CPNE4: variants seen among roughly 807,000 people sequenced by gnomAD.
CPNE4 encodes the protein copine 4.
Under a neutral mutation model 67.9 loss-of-function variants are expected in CPNE4, and 25 were observed. The observed-to-expected ratio is 0.37, with a 90% CI of 0.27 to 0.51. The LOEUF (loss-of-function observed/expected upper bound fraction) is 0.51, where lower values mean the gene tolerates loss of function less well. Among genes scored for constraint, CPNE4 ranks in the 20% least tolerant of loss-of-function variants. The probability of loss-of-function intolerance (pLI) is 0.93; values close to 1 mark genes in which losing one functional copy is unlikely to be tolerated. For missense variants in CPNE4, 464 were observed against 690.8 expected (o/e 0.67, Z 3.68); for synonymous variants, 242 against 244.9 (o/e 0.99, Z 0.11).
At chr3:131,698,463 C>T (rs1026214108) in intron 4 of CPNE4, among the ~76,000 whole-genome samples, 1 of 151,776 alleles carries the variant, frequency 6.6e-6, no homozygotes. Flanking sequence ...TCAAAGAACA[C>T]TTTGATTCAT....
intron 15 of CPNE4, among the ~76,000 whole-genome samples, chr3:131,538,095 C>A (rs1167797809): frequency 6.6e-6 from 1 of 152,160 alleles, no homozygotes; most frequent in Non-Finnish European, 1.5e-5. Flanking sequence ...GGTTAAAAAC[C>A]ATTTATGTAA....
intron 11 of CPNE4, among the ~76,000 whole-genome samples, chr3:131,556,712 TGAGA>T (rs1936473856): frequency 5.3e-5 from 8 of 152,150 alleles, no homozygotes; most frequent in Admixed American, 5.2e-4. Context: ...TGTGAAAACC[TGAGA>T]GAATCACTTA....
At chr3:131,941,455 A>G (rs2071385029) in intron 1 of CPNE4, among the ~76,000 whole-genome samples, 1 of 152,020 alleles carries the variant, frequency 6.6e-6, no homozygotes, top group Non-Finnish European at 1.5e-5. Flanking sequence ...TTCTCCCTTT[A>G]TATCTTTTTT....
chr3:131,621,758 G>A (rs188604499), intron 7 of CPNE4, among the ~76,000 whole-genome samples: 25 of 152,034 alleles, frequency 1.6e-4, no homozygotes, highest in African/African-American at 5.5e-4. Context: ...TGTAATCTCA[G>A]CACTTTAGGA....
At position 131,993,961 on chromosome 3, in the gene CPNE4, G is replaced by C. The variant is rs2073232440; in HGVS notation, c.-2+40606C>G. 1.5e-5 allele frequency among the ~76,000 whole-genome samples: 2 copies of C among 136,162 alleles called. 1 individual carries two copies. The highest frequency in any genetic ancestry group is 3.3e-5 in the Non-Finnish European group (2 of 60,042). 89.3% of individuals were successfully genotyped at this position (136,162 alleles called of 152,430 possible). The stretch of plus-strand genomic sequence containing the variant: ...CAAAAAGGCCATTAGAACTAAGTGA[G>C]CTTAGCAAAGTTGCATTGTAGAAAG... On this transcript the variant is annotated intron_variant, in intron 1 of 15. Coordinates refer to ENST00000429747, the MANE Select transcript of CPNE4 (RefSeq NM_130808.3).
chr3:131,918,726 T>G (rs1418997959), intron 1 of CPNE4, among the ~76,000 whole-genome samples: 1 of 152,148 alleles, frequency 6.6e-6, no homozygotes, highest in Non-Finnish European at 1.5e-5. Flanking sequence ...AGTTTTTTTG[T>G]AACAGGACAT....
In CPNE4 at chr3:131,669,794, G is replaced by T. The variant is rs189384304; in HGVS notation, c.592-30C>A. On this transcript the variant is annotated intron_variant, in intron 6 of 15. Transcript: ENST00000429747. ...GAAAAGAAAGAGAGGAGTGGTGAGTGGGGGAGAAATGCTTGACATTTTCAC... is the reference window on the plus strand; with the variant it reads ...GAAAAGAAAGAGAGGAGTGGTGAGTTGGGGAGAAATGCTTGACATTTTCAC... 2.0e-3 allele frequency: 3,102 copies of T among 1,516,538 alleles called. 8 individuals carry two copies. Among genetic ancestry groups the T allele is most frequent in the Non-Finnish European group, 2.5e-3 (2,781 of 1,094,604 alleles). 93.9% of individuals were successfully genotyped at this position (1,516,538 alleles called of 1,614,324 possible). A position where few individuals can be genotyped will look rare whatever the true frequency, so the allele number is the denominator to read the frequency against.
At chr3:131,910,675 T>A (rs1019800292) in intron 1 of CPNE4, among the ~76,000 whole-genome samples, 1 of 152,104 alleles carries the variant, frequency 6.6e-6, no homozygotes, top group African/African-American at 2.4e-5. Context: ...CTTCCTCCCC[T>A]TGGCTGAAAG....
intron 11 of CPNE4, among the ~76,000 whole-genome samples, chr3:131,560,427 T>G (rs1936700986): frequency 6.6e-6 from 1 of 151,942 alleles, no homozygotes; most frequent in African/African-American, 2.4e-5. Context: ...TCCATCCACA[T>G]TCTAATAACA....
intron 2 of CPNE4, among the ~76,000 whole-genome samples, chr3:131,895,771 A>G (rs1029363756): frequency 2.0e-5 from 3 of 152,088 alleles, no homozygotes; most frequent in Admixed American, 6.6e-5. Context: ...GTACCTCTGA[A>G]GTAATTAGGC....
At chr3:131,537,419 G>A (rs964557342) in intron 15 of CPNE4, among the ~76,000 whole-genome samples, 5 of 151,706 alleles carry the variant, frequency 3.3e-5, no homozygotes, top group African/African-American at 9.7e-5. Flanking sequence ...GAGTAGTTGA[G>A]ATTACAGGTG....
intron 1 of CPNE4, among the ~76,000 whole-genome samples, chr3:131,956,015 CAGATAGAT>C (rs776053857): frequency 6.6e-6 from 1 of 152,112 alleles, no homozygotes; most frequent in African/African-American, 2.4e-5. Context: ...AATATGGTGA[CAGATAGAT>C]AGATAGATAT....
intron 1 of CPNE4, among the ~76,000 whole-genome samples, chr3:132,020,480 A>G (rs1033671939): frequency 6.6e-6 from 1 of 152,192 alleles, no homozygotes; most frequent in African/African-American, 2.4e-5. Context: ...CTTCTCAGGA[A>G]AGGGGGACTG....
Position 131,677,471 on chromosome 3 carries a change from A to G in CPNE4, c.592-7707T>C, listed in dbSNP as rs142664623. On this transcript the variant is annotated intron_variant, in intron 6 of 15. Transcript: ENST00000429747. ...TTTGTCAATTTTTGCTTTTGTTGCA[A>G]TTGCTTTTGGCATCTTTATTATGAA... 7.7e-4 allele frequency among the ~76,000 whole-genome samples: 117 copies of G among 152,186 alleles called. No individual in the cohort carries two copies. The Middle Eastern group carries it at 0.01, about 13-fold the overall frequency.
chr3:132,024,244 G>A (rs563879605), intron 1 of CPNE4, among the ~76,000 whole-genome samples: 2 of 151,776 alleles, frequency 1.3e-5, no homozygotes, highest in East Asian at 1.9e-4. Flanking sequence ...CCACCACGCC[G>A]GGCTAATTTT....
intron 7 of CPNE4, among the ~76,000 whole-genome samples, chr3:131,641,021 A>G (rs929823023): frequency 4.6e-5 from 7 of 152,214 alleles, no homozygotes; most frequent in African/African-American, 1.7e-4. Context: ...TCAACTCAAG[A>G]TGGATCAGAG....
At chr3:131,633,273 C>G (rs2079281990) in intron 7 of CPNE4, among the ~76,000 whole-genome samples, 1 of 152,154 alleles carries the variant, frequency 6.6e-6, no homozygotes, top group South Asian at 2.1e-4. Flanking sequence ...TATCTGGTCT[C>G]TTTGCTTCCA....
At chr3:131,876,459 G>A (rs1560520539) in intron 2 of CPNE4, among the ~76,000 whole-genome samples, 1 of 151,090 alleles carries the variant, frequency 6.6e-6, no homozygotes, top group African/African-American at 2.4e-5. Context: ...TGGCTAACAC[G>A]GTGAAACCCC....
At chr3:131,642,388 T>C (rs1212377528) in intron 7 of CPNE4, among the ~76,000 whole-genome samples, 1 of 152,194 alleles carries the variant, frequency 6.6e-6, no homozygotes, top group African/African-American at 2.4e-5. Context: ...AGCCAGGCCC[T>C]GCAGAGCCCT....
Sources: gnomAD v4.1 joint callset for allele counts (sites outside exome capture counted in the v4.1 genomes callset) on GRCh38, gnomAD v4.1.1 for gene constraint, MANE v1.5 for transcripts, NCBI Gene and HGNC (gene_info 2026-07-23, HGNC 2026-07-21) for gene names.